The following CCDC57 variants were observed in gnomAD, a reference collection of about 807,000 sequenced individuals.
CCDC57 encodes the protein coiled-coil domain containing 57.
Under a neutral mutation model 118.9 loss-of-function variants are expected in CCDC57, and 118 were observed. The ratio of observed to expected loss-of-function variants is 0.99; its 90% CI spans 0.86 to 1.16. The LOEUF is 1.16. Ranked by LOEUF, CCDC57 falls within the 50% of genes most tolerant of loss-of-function variation. The pLI is 0.00. For synonymous variants in CCDC57, 527 were observed against 532.9 expected (o/e 0.99, Z 0.15); for missense variants, 1,300 against 1,320.7 (o/e 0.98, Z 0.24).
intron 16 of CCDC57, among the ~76,000 whole-genome samples, chr17:82,143,110 G>A (rs917855881): frequency 2.6e-5 from 4 of 151,118 alleles, no homozygotes; most frequent in Non-Finnish European, 4.4e-5. Flanking sequence ...TGTAGATCGC[G>A]CCATTGCACT....
chr17:82,164,144 G>A (rs994930210), intron 13 of CCDC57, among the ~76,000 whole-genome samples: 4 of 152,214 alleles, frequency 2.6e-5, no homozygotes, highest in Non-Finnish European at 4.4e-5. Context: ...GGGAGGCTGA[G>A]GTGGGCAGAT....
intron 1 of CCDC57, among the ~76,000 whole-genome samples, chr17:82,210,964 A>G (rs1012225492): frequency 2.3e-4 from 35 of 149,340 alleles, no homozygotes; most frequent in African/African-American, 8.4e-4. Flanking sequence ...ACTGAACTCC[A>G]GCCTGGGCGG....
intron 4 of CCDC57, among the ~76,000 whole-genome samples, 173 bp downstream of exon 3, chr17:82,198,141 T>C (rs946970121): frequency 3.3e-5 from 5 of 152,182 alleles, no homozygotes; most frequent in Admixed American, 2.0e-4. Flanking sequence ...TCCCATCCTG[T>C]TTCCCTGCAG....
intron 16 of CCDC57, among the ~76,000 whole-genome samples, chr17:82,151,087 T>A (rs1401140389): frequency 1.4e-3 from 60 of 43,106 alleles, no homozygotes; most frequent in East Asian, 2.3e-3. Flanking sequence ...ACTCAGAACC[T>A]GGTGCACACC....
intron 16 of CCDC57, among the ~76,000 whole-genome samples, chr17:82,148,745 T>TG (rs2041347846): frequency 7.4e-5 from 1 of 13,490 alleles, no homozygotes; most frequent in Admixed American, 1.2e-3. Flanking sequence ...GGTGGGTGGG[T>TG]GAATGGGTGG....
chr17:82,113,231 T>TG, intron 19 of CCDC57: 1 of 607,386 alleles, frequency 1.6e-6, no homozygotes, highest in Admixed American at 2.9e-5. Flanking sequence ...GGCGGGGGGC[T>TG]GGGGTTGTCC....
rs2047647670 is a variant in CCDC57 at position 82,191,322 on chromosome 17, A to G, written c.851+2434T>C. On this transcript the variant is annotated intron_variant, in intron 7 of 19. Coordinates refer to ENST00000665763, the Ensembl canonical transcript of CCDC57. ...GAAAAGAAACTGGCATCAGACAGAC[A>G]CTCCTGCAGAAGGGCTCCCATCACT... is the stretch of plus-strand genomic sequence containing the variant. Among the ~76,000 whole-genome samples, 2 of 151,590 alleles carry G rather than the reference A, an allele frequency of 1.3e-5. 1 individual carries two copies. The highest frequency in any genetic ancestry group is 4.2e-4 in the South Asian group (2 of 4,812).
intron 11 of CCDC57, 97 bp downstream of exon 10, chr17:82,178,377 G>T: frequency 7.2e-7 from 1 of 1,395,134 alleles, no homozygotes; most frequent in Non-Finnish European, 9.6e-7. Context: ...ACAACTGAAA[G>T]ACTTAGCTCC....
At chr17:82,128,738 G>A (rs1598746859) in intron 17 of CCDC57, 141 bp from the exon 17 acceptor site, 5 of 659,848 alleles carry the variant, frequency 7.6e-6, no homozygotes, top group South Asian at 1.8e-5. Flanking sequence ...GTGACAGCCC[G>A]GACTGAAGGG....
chr17:82,163,114 C>A, intron 14 of CCDC57, 86 bp downstream of exon 13: 1 of 1,517,636 alleles, frequency 6.6e-7, no homozygotes, highest in South Asian at 1.2e-5. Context: ...CACCTGGGGT[C>A]GCACCGGGCA....
chr17:82,171,595 G>A lies in CCDC57; in HGVS notation c.1882+106C>T, dbSNP rs143515298. On this transcript the variant is annotated intron_variant, in intron 13 of 19. Coordinates refer to ENST00000665763, the Ensembl canonical transcript of CCDC57. The stretch of plus-strand genomic sequence containing the variant: ...CTGGGCTGGATGACGCCGCCCCAAC[G>A]TCTGCAGTAGCCTTGAGCTGTATAT... 9.2e-4 allele frequency: 1,158 copies of A among 1,257,622 alleles called. 8 individuals carry two copies. The African/African-American group carries it at 0.015, about 16-fold the overall frequency. The allele number at this position is 1,257,622 out of a possible 1,614,324, so 77.9% of individuals were successfully genotyped here. A position where few individuals can be genotyped will look rare whatever the true frequency, so the allele number is the denominator to read the frequency against.
chr17:82,168,157 G>GT (rs2044227968), intron 13 of CCDC57, among the ~76,000 whole-genome samples: 1 of 152,192 alleles, frequency 6.6e-6, no homozygotes, highest in Non-Finnish European at 1.5e-5. Flanking sequence ...TGGGTTGACA[G>GT]TTTTTTGCTT....
At chr17:82,164,507 T>C (rs968203093) in intron 13 of CCDC57, among the ~76,000 whole-genome samples, 1 of 152,182 alleles carries the variant, frequency 6.6e-6, no homozygotes, top group Non-Finnish European at 1.5e-5. Flanking sequence ...AAATCAACAG[T>C]TGATTCTTTG....
At chr17:82,198,205 T>A in intron 4 of CCDC57, 109 bp downstream of exon 3, 1 of 639,248 alleles carries the variant, frequency 1.6e-6, no homozygotes, top group Non-Finnish European at 2.7e-6. Context: ...CCAAGGAGAA[T>A]GCAGGCAATG....
At chr17:82,179,723 G>A (rs890154159) in intron 9 of CCDC57, among the ~76,000 whole-genome samples, 1 of 152,222 alleles carries the variant, frequency 6.6e-6, no homozygotes, top group African/African-American at 2.4e-5. Context: ...CCAGCGCACA[G>A]ATGAGAATGG....
intron 8 of CCDC57, among the ~76,000 whole-genome samples, chr17:82,184,516 T>G (rs2046696467): frequency 6.6e-6 from 1 of 152,242 alleles, no homozygotes; most frequent in Non-Finnish European, 1.5e-5. Flanking sequence ...CTAGAGCTGT[T>G]AACTCAGGTA....
intron 16 of CCDC57, among the ~76,000 whole-genome samples, chr17:82,143,028 G>C (rs1479417866): frequency 1.3e-5 from 2 of 152,086 alleles, no homozygotes; most frequent in African/African-American, 4.8e-5. Context: ...GCCGGGCGTG[G>C]TGGCACATGC....
intron 2 of CCDC57, among the ~76,000 whole-genome samples, chr17:82,205,533 C>A (rs1285152268): frequency 6.6e-6 from 1 of 152,246 alleles, no homozygotes; most frequent in East Asian, 1.9e-4. Flanking sequence ...AGGCCCAGAG[C>A]AGCCTTTATC....
intron 7 of CCDC57, among the ~76,000 whole-genome samples, chr17:82,190,203 T>C (rs1303534326): frequency 6.6e-6 from 1 of 152,212 alleles, no homozygotes; most frequent in Non-Finnish European, 1.5e-5. Context: ...CAGCATAGAG[T>C]GACTTCTCAA....
Sources: allele counts gnomAD v4.1 joint callset (sites outside exome capture counted in the v4.1 genomes callset), GRCh38; gene constraint gnomAD v4.1.1; transcripts MANE v1.5; gene names NCBI Gene and HGNC (gene_info 2026-07-23, HGNC 2026-07-21).